Variants in PTRH2 observed in about 807,000 individuals in gnomAD.
PTRH2 encodes the protein peptidyl-tRNA hydrolase 2, mitochondrial.
PTRH2 carries 10 observed loss-of-function variants against 12.3 expected under a neutral mutation model. The observed-to-expected ratio is 0.81, with a 90% CI of 0.50 to 1.38. PTRH2 has a LOEUF of 1.38. Among genes scored for constraint, PTRH2 ranks in the 40% most tolerant of loss-of-function variants. The pLI is 0.00. For missense variants in PTRH2, 176 were observed against 214.1 expected, an observed-to-expected ratio of 0.82 and a Z score of 1.11; for synonymous variants, 73 against 77.4, an observed-to-expected ratio of 0.94 and a Z score of 0.30.
Position 59,697,736 on chromosome 17 carries a change from T to A in PTRH2, c.243A>T (p.Lys81Asn). The A allele has an allele frequency of 6.2e-7, 1 of 1,614,230 alleles. No individual in the cohort carries two copies. Among genetic ancestry groups the A allele is most frequent in the Non-Finnish European group, 8.5e-7 (1 of 1,180,034 alleles). Residue 81 changes from lysine (K) to asparagine (N), a missense_variant, in exon 2 of 2, where the codon AAA becomes AAT. Transcript: ENST00000393038. ...VRNDLKMGKG[K>N]VAAQCSHAAV... is the part of the protein sequence containing the mutation. ...CAGCATGAGAGCACTGGGCAGCCACTTTCCCTTTTCCCATCTTTAAGTCAT... is the reference window on the plus strand; with the variant it reads ...CAGCATGAGAGCACTGGGCAGCCACATTCCCTTTTCCCATCTTTAAGTCAT...
At position 59,697,498 on chromosome 17, in the gene PTRH2, T is replaced by G; in HGVS notation, c.481A>C (p.Ile161Leu). Residue 161 changes from isoleucine to leucine, a missense_variant, in exon 2 of 2, where the codon ATT becomes CTT. Transcript: ENST00000393038. ...ATTAGGTCTGCTGGTCCTGGCCCAA[T>G]CCCTAGGACAGTTTGAGAGCCTGGT... is the stretch of plus-strand genomic sequence containing the variant. ...IAPGSQTVLGIGPGPADLIDK... is the reference protein window; with the variant it reads ...IAPGSQTVLGLGPGPADLIDK... 1 of 1,614,056 alleles carries G rather than the reference T, an allele frequency of 6.2e-7. No individual in the cohort carries two copies. Among genetic ancestry groups the G allele is most frequent in the Non-Finnish European group, 8.5e-7 (1 of 1,179,972 alleles).
intron 1 of PTRH2, chr17:59,699,535 T>C (rs796861017): frequency 1.3e-5 from 2 of 152,978 alleles, no homozygotes; most frequent in African/African-American, 4.8e-5. Context: ...TCTTTTAGCA[T>C]ATTAAAAAGA....
Position 59,697,553 on chromosome 17 carries a change from T to G in PTRH2, c.426A>C (p.Leu142Phe). 1.2e-6 allele frequency: 2 copies of G among 1,614,230 alleles called. No homozygotes were observed. The highest frequency in any genetic ancestry group is 4.5e-5 in the East Asian group (2 of 44,890). ...TCTGAGTACGTCCAGCATCTTGAAT[T>G]AAACTTACAGTCAGTCCCAGCATTT... ...HAKMLGLTVSLIQDAGRTQIA... is the reference protein window; with the variant it reads ...HAKMLGLTVSFIQDAGRTQIA... The change falls in exon 2 of 2, where the codon TTA becomes TTC. Residue 142 changes from leucine (L) to phenylalanine (F), a missense_variant. By Grantham distance (22) the Leu-to-Phe change is conservative (BLOSUM62 0). Transcript: ENST00000393038.
At chr17:59,703,246 A>ACT (rs1440909062) in intron 1 of PTRH2, among the ~76,000 whole-genome samples, 10 of 151,638 alleles carry the variant, frequency 6.6e-5, no homozygotes, top group Non-Finnish European at 1.5e-4. Flanking sequence ...CTGGTCTCGA[A>ACT]CTCTGGGCCT....
chr17:59,699,481 G>C (rs979708379), intron 1 of PTRH2: 5 of 153,640 alleles, frequency 3.3e-5, no homozygotes, highest in Admixed American at 1.9e-4. Context: ...AACCATCCAT[G>C]ACTTGCTTTA....
At chr17:59,704,131 A>G (rs1805339351) in intron 1 of PTRH2, among the ~76,000 whole-genome samples, 1 of 152,186 alleles carries the variant, frequency 6.6e-6, no homozygotes, top group South Asian at 2.1e-4. Context: ...TAACATTACT[A>G]TATCAGGCCT....
intron 1 of PTRH2, 103 bp from the exon 2 acceptor site, chr17:59,698,081 G>T: frequency 8.1e-7 from 1 of 1,227,864 alleles, no homozygotes; most frequent in Non-Finnish European, 1.1e-6. Context: ...TGGTCATCCA[G>T]AAAAAAGGCA....
intron 1 of PTRH2, among the ~76,000 whole-genome samples, chr17:59,705,422 T>C (rs2033622395): frequency 6.6e-6 from 1 of 152,036 alleles, no homozygotes; most frequent in Admixed American, 6.6e-5. Flanking sequence ...TGCCTTTTTC[T>C]TTATTTTTTT....
intron 1 of PTRH2, chr17:59,698,962 G>C (rs2033504881): frequency 1.4e-6 from 1 of 702,816 alleles, no homozygotes; most frequent in Admixed American, 2.1e-5. Flanking sequence ...GATGCAACAG[G>C]GTCCTCAATT....
intron 1 of PTRH2, chr17:59,698,185 C>T (rs2033484310): frequency 1.8e-6 from 1 of 564,796 alleles, no homozygotes; most frequent in Non-Finnish European, 3.1e-6. Context: ...CCACATGAAA[C>T]AGTTTAGGTC....
At chr17:59,698,247 C>T (rs970564995) in intron 1 of PTRH2, 22 of 469,780 alleles carry the variant, frequency 4.7e-5, no homozygotes, top group Non-Finnish European at 7.2e-5. Context: ...AACTCTATTC[C>T]TCAGTCTTCC....
chr17:59,699,380 C>T (rs975194109), intron 1 of PTRH2: 1 of 156,090 alleles, frequency 6.4e-6, no homozygotes, highest in African/African-American at 2.4e-5. Flanking sequence ...GCAGCTGTTC[C>T]TTAAAAGCTA....
At position 59,697,961 on chromosome 17, in the gene PTRH2, C is replaced by G. The variant is rs1567984506; in HGVS notation, c.18G>C (p.Leu6Phe). The change falls in exon 2 of 2, where the codon TTG becomes TTC. Residue 6 changes from leucine to phenylalanine, a missense_variant. Coordinates refer to ENST00000393038, the MANE Select transcript of PTRH2 (RefSeq NM_016077.5). Reference protein sequence around the residue: MPSKSLVMEYLAHPST... With the variant: MPSKSFVMEYLAHPST... ...TGGGATGAGCCAAATATTCCATAACCAAGGATTTGGAGGGCATCTTAAAGG... is the reference window on the plus strand; with the variant it reads ...TGGGATGAGCCAAATATTCCATAACGAAGGATTTGGAGGGCATCTTAAAGG... 1.2e-6 allele frequency: 2 copies of G among 1,612,784 alleles called. No homozygotes were observed. The highest frequency in any genetic ancestry group is 2.2e-5 in the South Asian group (2 of 91,086).
chr17:59,701,174 G>A (rs1347940346), intron 1 of PTRH2: 1 of 152,196 alleles, frequency 6.6e-6, no homozygotes, highest in African/African-American at 2.4e-5. Flanking sequence ...ATTATGCCAG[G>A]AGCACGCCCC....
rs2033477591 is a variant in PTRH2, at chr17:59,697,974, G to A, written c.5C>T (p.Pro2Leu). 1 of 1,610,512 alleles carries A rather than the reference G, an allele frequency of 6.2e-7. No individual in the cohort carries two copies. Among genetic ancestry groups the A allele is most frequent in the Non-Finnish European group, 8.5e-7 (1 of 1,179,102 alleles). ...ATATTCCATAACCAAGGATTTGGAG[G>A]GCATCTTAAAGGAAAGGAAAACAGT... M[P>L]SKSLVMEYLA... The change falls in exon 2 of 2, where the codon CCC becomes CTC. Residue 2 changes from proline to leucine, a missense_variant. Transcript: ENST00000393038.
intron 1 of PTRH2, chr17:59,698,855 TTGTA>T (rs1233103820): frequency 2.8e-6 from 2 of 715,800 alleles, no homozygotes; most frequent in East Asian, 2.7e-5. Flanking sequence ...AAAACAATGG[TTGTA>T]TGGGTACTCA....
At chr17:59,698,026 C>T (rs768378857) in intron 1 of PTRH2, 48 bp from the exon 2 acceptor site, 1 of 1,561,888 alleles carries the variant, frequency 6.4e-7, no homozygotes, top group Admixed American at 1.7e-5. Flanking sequence ...TAACAACTTA[C>T]AGAGGTATAG....
chr17:59,697,486 G>A lies in PTRH2; in HGVS notation c.493C>T (p.Pro165Ser). 6.2e-7 allele frequency: 1 copy of A among 1,614,034 alleles called. No homozygotes were observed. The change falls in exon 2 of 2, where the codon CCA becomes TCA. Residue 165 changes from proline (P) to serine (S), a missense_variant. Transcript: ENST00000393038. The stretch of plus-strand genomic sequence containing the variant: ...GTGACTTTGTCAATTAGGTCTGCTG[G>A]TCCTGGCCCAATCCCTAGGACAGTT... ...SQTVLGIGPG[P>S]ADLIDKVTGH...
chr17:59,703,053 T>G (rs2033581848), intron 1 of PTRH2, among the ~76,000 whole-genome samples: 1 of 152,162 alleles, frequency 6.6e-6, no homozygotes, highest in South Asian at 2.1e-4. Flanking sequence ...TTCACTCTTT[T>G]GTCCAGGCTG....
Sources: allele counts gnomAD v4.1 joint callset (sites outside exome capture counted in the v4.1 genomes callset), GRCh38; gene constraint gnomAD v4.1.1; transcripts MANE v1.5; gene names NCBI Gene and HGNC (gene_info 2026-07-23, HGNC 2026-07-21).